Variants in DNAH7 observed in about 807,000 individuals in gnomAD.
The protein encoded by DNAH7 is dynein axonemal heavy chain 7, also known as axonemal beta dynein heavy chain 7.
Under a neutral mutation model 444.6 loss-of-function variants are expected in DNAH7, and 397 were observed. The observed-to-expected ratio is 0.89, with a 90% CI of 0.82 to 0.97. The LOEUF (loss-of-function observed/expected upper bound fraction) is 0.97. DNAH7 is among the 50% of genes least tolerant of loss of function. The pLI, the probability that DNAH7 is intolerant of heterozygous loss-of-function variation, is 0.00. For synonymous variants in DNAH7, 1,636 were observed against 1,624.4 expected, an observed-to-expected ratio of 1.01 and a Z score of -0.17; for missense variants, 4,902 against 4,800.8, an observed-to-expected ratio of 1.02 and a Z score of -0.62.
intron 25 of DNAH7, among the ~76,000 whole-genome samples, chr2:195,909,191 C>A (rs1687213001): frequency 6.6e-6 from 1 of 152,052 alleles, no homozygotes; most frequent in Non-Finnish European, 1.5e-5. Context: ...TCGCAACACA[C>A]AATCTACCCA....
chr2:195,917,830 T>G (rs148465561), intron 24 of DNAH7, among the ~76,000 whole-genome samples: 2 of 152,180 alleles, frequency 1.3e-5, no homozygotes, highest in African/African-American at 2.4e-5. Flanking sequence ...ATTTTTTGTT[T>G]GTTTGTTTTA....
intron 25 of DNAH7, 64 bp downstream of exon 25, chr2:195,909,963 G>T: frequency 1.4e-6 from 2 of 1,435,864 alleles, no homozygotes; most frequent in South Asian, 1.4e-5. Flanking sequence ...CAATTATGTT[G>T]CATCATAAAT....
At chr2:196,021,110 T>C (rs1375264609) in intron 8 of DNAH7, among the ~76,000 whole-genome samples, 1 of 152,136 alleles carries the variant, frequency 6.6e-6, no homozygotes, top group Non-Finnish European at 1.5e-5. Flanking sequence ...TATAAATATA[T>C]ATATTCTGTA....
chr2:195,885,909 T>C (rs1004509459), intron 34 of DNAH7, among the ~76,000 whole-genome samples: 5 of 152,216 alleles, frequency 3.3e-5, no homozygotes, highest in Non-Finnish European at 7.3e-5. Flanking sequence ...GCAGATCTGA[T>C]GTGATCACTG....
Position 195,923,670 on chromosome 2 carries a change from G to A in DNAH7, c.3750C>T (p.Leu1250=). 2 of 1,614,100 alleles carry A rather than the reference G, an allele frequency of 1.2e-6. No homozygotes were observed. The highest frequency in any genetic ancestry group is 8.5e-7 in the Non-Finnish European group (1 of 1,180,018). The part of the protein sequence containing the change: ...VVLDVHARDV[L]SSLVKKNISD... ...TAATATTTTTTTTTACAAGTGATGA[G>A]AGGACATCTCTAGCATGGACATCCA... Residue 1250 remains leucine, a synonymous_variant, in exon 23 of 65, where the codon CTC becomes CTT. Transcript: ENST00000312428.
chr2:195,977,573 C>T (rs1339490408), intron 15 of DNAH7, among the ~76,000 whole-genome samples: 1 of 151,706 alleles, frequency 6.6e-6, no homozygotes, highest in Non-Finnish European at 1.5e-5. Flanking sequence ...ATAGGTAGAA[C>T]CTTATTCAAA....
chr2:196,018,654 C>T (rs1274485778), intron 9 of DNAH7, among the ~76,000 whole-genome samples: 1 of 152,034 alleles, frequency 6.6e-6, no homozygotes, highest in African/African-American at 2.4e-5. Context: ...ACACAATTGA[C>T]GTGCTGAAGA....
At chr2:195,998,197 G>A (rs1198188836) in intron 12 of DNAH7, among the ~76,000 whole-genome samples, 1 of 151,972 alleles carries the variant, frequency 6.6e-6, no homozygotes, top group East Asian at 1.9e-4. Flanking sequence ...ATTAAAATTT[G>A]TCATACTTTC....
chr2:195,792,637 A>T (rs1695939784), intron 57 of DNAH7, among the ~76,000 whole-genome samples: 1 of 152,178 alleles, frequency 6.6e-6, no homozygotes, highest in Non-Finnish European at 1.5e-5. Context: ...CAAATGATAG[A>T]TTAAATAACA....
chr2:195,836,509 A>G (rs1025592329), intron 47 of DNAH7, among the ~76,000 whole-genome samples: 1 of 151,898 alleles, frequency 6.6e-6, no homozygotes, highest in Non-Finnish European at 1.5e-5. Context: ...AAAAAAAAAA[A>G]AGAAAGGCTC....
At chr2:196,038,439 AC>A (rs1696529953) in intron 5 of DNAH7, among the ~76,000 whole-genome samples, 1 of 152,208 alleles carries the variant, frequency 6.6e-6, no homozygotes, top group Non-Finnish European at 1.5e-5. Flanking sequence ...ATATAAAACA[AC>A]CAGAAAACAA....
chr2:195,962,351 T>C (rs758799776), intron 17 of DNAH7, among the ~76,000 whole-genome samples: 21 of 152,202 alleles, frequency 1.4e-4, no homozygotes, highest in Non-Finnish European at 2.8e-4. Context: ...TTATACACTT[T>C]TGGTTGGTTG....
intron 19 of DNAH7, among the ~76,000 whole-genome samples, chr2:195,947,518 C>T (rs1689898606): frequency 1.3e-5 from 2 of 152,164 alleles, no homozygotes; most frequent in South Asian, 2.1e-4. Context: ...TGTTCTACTC[C>T]CATTTATGAG....
chr2:195,922,069 C>G lies in DNAH7; in HGVS notation c.3935+19G>C. ...GAGTGAAAGTTATTTCCAATAGATC[C>G]TTAAATTAAAGGGTTTACCTGTAAC... On this transcript the variant is annotated intron_variant, in intron 24 of 64. Transcript: ENST00000312428. 7.0e-7 allele frequency: 1 copy of G among 1,427,242 alleles called. No homozygotes were observed. The allele number at this position is 1,427,242 out of a possible 1,614,324, so 88.4% of individuals were successfully genotyped here. A position where few individuals can be genotyped will look rare whatever the true frequency, so the allele number is the denominator to read the frequency against.
At chr2:195,887,316 A>G (rs912011802) in intron 33 of DNAH7, among the ~76,000 whole-genome samples, 4 of 152,046 alleles carry the variant, frequency 2.6e-5, no homozygotes, top group African/African-American at 9.7e-5. Context: ...TTCAGTTCAT[A>G]TATGTTAACT....
intron 12 of DNAH7, among the ~76,000 whole-genome samples, chr2:195,993,545 T>C (rs960942844): frequency 6.6e-6 from 1 of 151,986 alleles, no homozygotes; most frequent in Admixed American, 6.6e-5. Flanking sequence ...GATAGAAAAA[T>C]CCACAACAGC....
At chr2:195,958,314 T>C (rs1184918674) in intron 18 of DNAH7, among the ~76,000 whole-genome samples, 1 of 152,170 alleles carries the variant, frequency 6.6e-6, no homozygotes, top group Admixed American at 6.5e-5. Flanking sequence ...ATAGTAAATA[T>C]ATTTTTCTCA....
chr2:195,997,735 C>G (rs981485821), intron 12 of DNAH7, among the ~76,000 whole-genome samples: 2 of 151,984 alleles, frequency 1.3e-5, no homozygotes, highest in African/African-American at 2.4e-5. Flanking sequence ...TGTTAAGAAA[C>G]AGCTATATAA....
In DNAH7 at chr2:195,864,999, C is replaced by A. The variant is rs762127511; in HGVS notation, c.6656G>T (p.Arg2219Leu). The change falls in exon 41 of 65, where the codon CGC becomes CTC. Residue 2219 changes from arginine (R) to leucine (L), a missense_variant. Physicochemically the swap from Arg to Leu is moderately radical, Grantham distance 102. Transcript: ENST00000312428. ...GCTTCTGTCTGTATTGTCCAGAAGG[C>A]GGTCATAATACACTCGAAGGACCTG... is the stretch of plus-strand genomic sequence containing the variant. Reference protein sequence around the residue: ...VHEVLRVYYDRLLDNTDRSWL... With the variant: ...VHEVLRVYYDLLLDNTDRSWL... 7 of 1,600,630 alleles carry A rather than the reference C, an allele frequency of 4.4e-6. No homozygotes were observed. The highest frequency in any genetic ancestry group is 5.9e-6 in the Non-Finnish European group (7 of 1,179,124).
Sources: gnomAD v4.1 joint callset for allele counts (sites outside exome capture counted in the v4.1 genomes callset) on GRCh38, gnomAD v4.1.1 for gene constraint, MANE v1.5 for transcripts, NCBI Gene and HGNC (gene_info 2026-07-23, HGNC 2026-07-21) for gene names.